The following SH3BGRL2 variants were observed in gnomAD, a reference collection of about 807,000 sequenced individuals.
SH3BGRL2 encodes SH3 domain-binding glutamic acid-rich-like protein 2.
Under a neutral mutation model 14.8 loss-of-function variants are expected in SH3BGRL2, and 21 were observed. The observed-to-expected ratio is 1.42, with a 90% CI of 1.01 to 2.05. SH3BGRL2 has a LOEUF of 2.05. Ranked by LOEUF, SH3BGRL2 falls within the 30% of genes most tolerant of loss-of-function variation. The pLI, the probability that SH3BGRL2 is intolerant of heterozygous loss-of-function variation, is 0.00. For missense variants in SH3BGRL2, 147 were observed against 130.8 expected (o/e 1.12, Z -0.61); for synonymous variants, 50 against 47.8 (o/e 1.05, Z -0.19).
chr6:79,582,564 G>A, the SH3BGRL2 span, among the ~76,000 whole-genome samples: 2 of 152,112 alleles, frequency 1.3e-5, no homozygotes, highest in Non-Finnish European at 2.9e-5. Context: ...AAGTGGTGCT[G>A]GAAAAACTGA....
the SH3BGRL2 span, among the ~76,000 whole-genome samples, chr6:79,552,067 G>T: frequency 5.3e-5 from 8 of 152,256 alleles, no homozygotes; most frequent in African/African-American, 1.9e-4. Flanking sequence ...TCCAGCCTGG[G>T]TGACAGAGTG....
chr6:79,606,152 G>A, the SH3BGRL2 span, among the ~76,000 whole-genome samples: 3 of 152,068 alleles, frequency 2.0e-5, no homozygotes, highest in African/African-American at 7.2e-5. Context: ...GCACTCCCAA[G>A]CCACCTGGCA....
At chr6:79,647,690 A>C (rs1769171183) in intron 1 of SH3BGRL2, among the ~76,000 whole-genome samples, 1 of 152,186 alleles carries the variant, frequency 6.6e-6, no homozygotes. Context: ...GAAAGTCATC[A>C]GTGCTAGATA....
At chr6:79,617,001 C>T in the SH3BGRL2 span, among the ~76,000 whole-genome samples, 1 of 152,074 alleles carries the variant, frequency 6.6e-6, no homozygotes, top group African/African-American at 2.4e-5. Flanking sequence ...CAGCCACCAG[C>T]ATGGAGAAAC....
the SH3BGRL2 span, among the ~76,000 whole-genome samples, chr6:79,552,081 C>G: frequency 6.6e-6 from 1 of 152,110 alleles, no homozygotes. Flanking sequence ...CAGAGTGATA[C>G]TCTGCCTCAA....
the SH3BGRL2 span, among the ~76,000 whole-genome samples, chr6:79,543,956 A>G: frequency 6.6e-6 from 1 of 152,210 alleles, no homozygotes; most frequent in South Asian, 2.1e-4. Context: ...ATTGCCCTGC[A>G]CAGTTGAAGT....
At chr6:79,695,273 A>G (rs1261444471) in intron 2 of SH3BGRL2, among the ~76,000 whole-genome samples, 1 of 152,228 alleles carries the variant, frequency 6.6e-6, no homozygotes, top group African/African-American at 2.4e-5. Flanking sequence ...AGCTGATCCT[A>G]AATGACAGAA....
At position 79,631,438 on chromosome 6, in the gene SH3BGRL2, G is replaced by C. The variant is rs756436539; in HGVS notation, c.-24G>C. 6.6e-7 allele frequency: 1 copy of C among 1,519,268 alleles called. No homozygotes were observed. The allele number at this position is 1,519,268 out of a possible 1,614,324, so 94.1% of individuals were successfully genotyped here. ...CAGCCCGGAGCCCGGGGGGCAAGGG[G>C]TCTGTCCCGGGCGCAGCGAGAGGAT... is the stretch of plus-strand genomic sequence containing the variant. On this transcript the variant is annotated 5_prime_UTR_variant, in exon 1 of 4. Coordinates refer to ENST00000369838, the MANE Select transcript of SH3BGRL2 (RefSeq NM_031469.4).
chr6:79,563,733 A>C, the SH3BGRL2 span, among the ~76,000 whole-genome samples: 6 of 152,216 alleles, frequency 3.9e-5, no homozygotes, highest in Non-Finnish European at 8.8e-5. Flanking sequence ...GAGTGAGTCT[A>C]GGTGAGACCA....
At chr6:79,556,557 G>T in the SH3BGRL2 span, among the ~76,000 whole-genome samples, 3 of 151,734 alleles carry the variant, frequency 2.0e-5, no homozygotes, top group Admixed American at 6.6e-5. Flanking sequence ...ATACTCTTTG[G>T]GAGTATAAAT....
the SH3BGRL2 span, among the ~76,000 whole-genome samples, chr6:79,567,747 A>C: frequency 6.6e-6 from 1 of 152,256 alleles, no homozygotes; most frequent in Admixed American, 6.5e-5. Flanking sequence ...GATAAATACA[A>C]CTATCAAAAT....
the SH3BGRL2 span, among the ~76,000 whole-genome samples, chr6:79,550,459 A>G: frequency 6.6e-6 from 1 of 152,182 alleles, no homozygotes; most frequent in Non-Finnish European, 1.5e-5. Context: ...TGAGAGCTTC[A>G]GATCCTTTTT....
chr6:79,608,543 A>G, the SH3BGRL2 span, among the ~76,000 whole-genome samples: 1 of 152,338 alleles, frequency 6.6e-6, no homozygotes, highest in East Asian at 1.9e-4. Flanking sequence ...CTGTTTCAAG[A>G]AGTTCTGACT....
chr6:79,699,877 C>G lies in SH3BGRL2; in HGVS notation c.*368C>G. ...TAGATGCCGGAATTGCGTAAACCCA[C>G]TTCTCTTTAAGCTGCCTGGATTGCA... On this transcript the variant is annotated 3_prime_UTR_variant, in exon 4 of 4. Transcript: ENST00000369838. The G allele has an allele frequency of 4.0e-6, 1 of 250,588 alleles. No individual in the cohort carries two copies. Among genetic ancestry groups the G allele is most frequent in the Non-Finnish European group, 7.5e-6 (1 of 133,674 alleles). The allele number at this position is 250,588 out of a possible 1,614,324, so 15.5% of individuals were successfully genotyped here. A position where few individuals can be genotyped will look rare whatever the true frequency, so the allele number is the denominator to read the frequency against.
At chr6:79,599,539 T>G in the SH3BGRL2 span, among the ~76,000 whole-genome samples, 1 of 151,954 alleles carries the variant, frequency 6.6e-6, no homozygotes, top group African/African-American at 2.4e-5. Flanking sequence ...CCCGGCTAAT[T>G]TTTGCATTTT....
the SH3BGRL2 span, among the ~76,000 whole-genome samples, chr6:79,568,572 C>T: frequency 8.1e-4 from 123 of 151,682 alleles, no homozygotes; most frequent in Non-Finnish European, 1.3e-3. Flanking sequence ...ATAACTACAA[C>T]AAAAAAAATT....
chr6:79,600,496 C>T, the SH3BGRL2 span, among the ~76,000 whole-genome samples: 4 of 152,172 alleles, frequency 2.6e-5, no homozygotes, highest in Non-Finnish European at 4.4e-5. Flanking sequence ...GGACACTCTG[C>T]CCCTTGCTCT....
At chr6:79,595,541 AAATC>A in the SH3BGRL2 span, among the ~76,000 whole-genome samples, 2 of 152,338 alleles carry the variant, frequency 1.3e-5, no homozygotes, top group African/African-American at 4.8e-5. Flanking sequence ...ACAATATCTG[AAATC>A]AATTAATATA....
In SH3BGRL2 at chr6:79,663,080, G is replaced by A. The variant is rs753126200; in HGVS notation, c.46-10534G>A. Among the ~76,000 whole-genome samples, 11 of 152,218 alleles carry A rather than the reference G, an allele frequency of 7.2e-5. No homozygotes were observed. In the East Asian group the frequency reaches 9.7e-4, roughly 13 times the overall value. ...TTTTCAAGGTTTTTAGCTTCCTTGCGAAGGGTTAGAAGATGCTTCTTCAGC... is the reference window on the plus strand; with the variant it reads ...TTTTCAAGGTTTTTAGCTTCCTTGCAAAGGGTTAGAAGATGCTTCTTCAGC... On this transcript the variant is annotated intron_variant, in intron 1 of 3. Transcript: ENST00000369838.
Sources: gnomAD v4.1 joint callset for allele counts (sites outside exome capture counted in the v4.1 genomes callset) on GRCh38, gnomAD v4.1.1 for gene constraint, MANE v1.5 for transcripts, NCBI Gene and HGNC (gene_info 2026-07-23, HGNC 2026-07-21) for gene names.